Variants in EIF2D observed in about 807,000 individuals in gnomAD.
EIF2D encodes eukaryotic translation initiation factor 2D.
Under a neutral mutation model 77.4 loss-of-function variants are expected in EIF2D, and 56 were observed. That is an observed-to-expected ratio of 0.72 (90% CI 0.58 to 0.90). The LOEUF is 0.90. Ranked by LOEUF, EIF2D falls within the 40% of genes least tolerant of loss-of-function variation. EIF2D has a pLI of 0.00. For missense variants in EIF2D, 574 were observed against 706.5 expected, an observed-to-expected ratio of 0.81 and a Z score of 2.13; for synonymous variants, 230 against 271.0, an observed-to-expected ratio of 0.85 and a Z score of 1.49.
chr1:206,598,984 G>A lies in EIF2D; in HGVS notation c.1292+19C>T. The A allele has an allele frequency of 6.2e-7, 1 of 1,612,426 alleles. No individual in the cohort carries two copies. The highest frequency in any genetic ancestry group is 8.5e-7 in the Non-Finnish European group (1 of 1,178,506). Reference sequence around the variant, plus strand: ...ACAAAGACCCAATAAGACAGATCTGGTGCTTCTCATGCACTCACTTTTTGT... The same window carrying A: ...ACAAAGACCCAATAAGACAGATCTGATGCTTCTCATGCACTCACTTTTTGT... On this transcript the variant is annotated intron_variant, in intron 11 of 14. Coordinates refer to ENST00000271764, the MANE Select transcript of EIF2D (RefSeq NM_006893.3).
chr1:206,577,418 A>G (rs1332688953), intron 4 of EIF2D, among the ~76,000 whole-genome samples: 1 of 152,192 alleles, frequency 6.6e-6, no homozygotes, highest in Non-Finnish European at 1.5e-5. Context: ...GGTGATTTTC[A>G]GAACACTTTT....
chr1:206,569,322 G>C (rs1553403860), downstream of EIF2D, among the ~76,000 whole-genome samples: 1 of 152,230 alleles, frequency 6.6e-6, no homozygotes, highest in Admixed American at 6.5e-5. Flanking sequence ...TCAGGTTTTA[G>C]TGGCAACACA....
At chr1:206,602,223 T>G in intron 7 of EIF2D, 113 bp downstream of exon 7, 1 of 765,460 alleles carries the variant, frequency 1.3e-6, no homozygotes, top group East Asian at 2.5e-5. Flanking sequence ...CTCCACTCTT[T>G]CCACAGCATG....
Position 206,608,325 on chromosome 1 carries a change from A to C in EIF2D, c.333T>G (p.Asp111Glu). ...LVLEKLVGGADLMLPGLVMPP... is the reference protein window; with the variant it reads ...LVLEKLVGGAELMLPGLVMPP... ...GCATCACCAGTCCAGGCAGCATCAA[A>C]TCTGCAATGAACAAAAAAAATCACA... is the stretch of plus-strand genomic sequence containing the variant. Residue 111 changes from aspartate (D) to glutamate (E), a missense_variant and splice_region_variant, in exon 4 of 15, where the codon GAT becomes GAG. Transcript: ENST00000271764. 6.2e-7 allele frequency: 1 copy of C among 1,609,102 alleles called. No individual in the cohort carries two copies. Among genetic ancestry groups the C allele is most frequent in the South Asian group, 1.1e-5 (1 of 90,340 alleles).
intron 4 of EIF2D, among the ~76,000 whole-genome samples, chr1:206,576,976 G>GT (rs1254499379): frequency 9.6e-6 from 1 of 103,830 alleles, no homozygotes; most frequent in East Asian, 2.6e-4. Flanking sequence ...GCTAATTTTT[G>GT]TATTTTTTTT....
At chr1:206,597,062 GA>G in intron 12 of EIF2D, 37 bp downstream of exon 12, 1 of 1,472,026 alleles carries the variant, frequency 6.8e-7, no homozygotes, top group Non-Finnish European at 9.5e-7. Context: ...AAGGCGAGGG[GA>G]TAGAAAAGTT....
chr1:206,595,049 A>G (rs1669580836), intron 13 of EIF2D: 1 of 152,196 alleles, frequency 6.6e-6, no homozygotes, highest in South Asian at 2.1e-4. Flanking sequence ...TTCACAGAGT[A>G]AAACTCAGAC....
chr1:206,605,393 T>C lies in EIF2D; in HGVS notation c.530+7A>G. The C allele has an allele frequency of 6.2e-7, 1 of 1,611,966 alleles. No individual in the cohort carries two copies. The stretch of plus-strand genomic sequence containing the variant: ...TCTCTGTAAAACAGAAGAAACTCTG[T>C]ACCCACCACAAGTGGTCCTGGTAAG... On this transcript the variant is annotated splice_region_variant and intron_variant, in intron 5 of 14. Coordinates refer to ENST00000271764, the MANE Select transcript of EIF2D (RefSeq NM_006893.3).
intron 14 of EIF2D, 111 bp downstream of exon 14, chr1:206,593,508 A>AGAGAGAGAGAGAGTGTGTGTGTGTGTGT (rs10533643): frequency 5.5e-6 from 2 of 365,908 alleles, no homozygotes; most frequent in African/African-American, 4.8e-5. Context: ...AGAGAGAGAG[A>AGAGAGAGAGAGAGTGTGTGTGTGTGTGT]GTGTGTGTGT....
chr1:206,609,611 G>T, intron 2 of EIF2D, 152 bp from the exon 3 acceptor site: 1 of 570,988 alleles, frequency 1.8e-6, no homozygotes, highest in South Asian at 3.4e-5. Context: ...TGCCCAGAGA[G>T]GTTTCATTTT....
intron 2 of EIF2D, among the ~76,000 whole-genome samples, chr1:206,581,536 T>G (rs1246124782): frequency 1.3e-5 from 2 of 151,634 alleles, no homozygotes; most frequent in African/African-American, 4.9e-5. Flanking sequence ...GAGGCAGAGA[T>G]TGCAGTCAGC....
intron 4 of EIF2D, among the ~76,000 whole-genome samples, chr1:206,607,019 G>A (rs1017797195): frequency 3.9e-5 from 6 of 152,040 alleles, no homozygotes; most frequent in Admixed American, 2.6e-4. Flanking sequence ...TGTCCCTAGA[G>A]GCATCAATAA....
In EIF2D at chr1:206,575,725, G is replaced by A. The variant is rs542996834; in HGVS notation, c.*255-3026C>T. On this transcript the variant is annotated intron_variant and NMD_transcript_variant, in intron 4 of 5. Coordinates refer to the EIF2D transcript ENST00000472709. Reference sequence around the variant, plus strand: ...CGAAGGGGCCCTTAGAGCTTCTCCAGTATCACTTCATGATTTCACAGATAA... The same window carrying A: ...CGAAGGGGCCCTTAGAGCTTCTCCAATATCACTTCATGATTTCACAGATAA... 2.0e-5 allele frequency among the ~76,000 whole-genome samples: 3 copies of A among 152,354 alleles called. No homozygotes were observed. The South Asian group carries it at 6.2e-4, about 32-fold the overall frequency.
chr1:206,605,542 A>G, intron 4 of EIF2D, 35 bp from the exon 5 acceptor site: 1 of 1,564,028 alleles, frequency 6.4e-7, no homozygotes, highest in Non-Finnish European at 8.8e-7. Flanking sequence ...AGGGTCATGG[A>G]AAATCTATGG....
chr1:206,609,025 C>G (rs1670337686), intron 3 of EIF2D, among the ~76,000 whole-genome samples: 2 of 151,718 alleles, frequency 1.3e-5, no homozygotes, highest in Non-Finnish European at 1.5e-5. Flanking sequence ...GCACTCCAGC[C>G]TGAGCAACAG....
chr1:206,601,562 CTG>C (rs1553411287), intron 7 of EIF2D: 3 of 152,172 alleles, frequency 2.0e-5, no homozygotes, highest in Non-Finnish European at 4.4e-5. Context: ...CAGAGTGAAA[CTG>C]TGTCTCAAAA....
chr1:206,608,850 G>A (rs1001859519), intron 3 of EIF2D, among the ~76,000 whole-genome samples: 8 of 152,178 alleles, frequency 5.3e-5, no homozygotes, highest in African/African-American at 9.7e-5. Context: ...TCAGAAGTTC[G>A]AGACCAGCCT....
At chr1:206,601,713 T>C (rs1301678159) in intron 7 of EIF2D, 1 of 152,300 alleles carries the variant, frequency 6.6e-6, no homozygotes, top group Non-Finnish European at 1.5e-5. Flanking sequence ...TATTAGAAAT[T>C]AGGACTCAGA....
At chr1:206,569,242 A>G (rs1461858873), downstream of EIF2D, among the ~76,000 whole-genome samples, 1 of 152,248 alleles carries the variant, frequency 6.6e-6, no homozygotes, top group Non-Finnish European at 1.5e-5. Context: ...ACAGAAGCCC[A>G]TACACATCCT....
Sources: allele counts gnomAD v4.1 joint callset (sites outside exome capture counted in the v4.1 genomes callset), GRCh38; gene constraint gnomAD v4.1.1; transcripts MANE v1.5; gene names NCBI Gene and HGNC (gene_info 2026-07-23, HGNC 2026-07-21).